The following RP1 variants were observed in gnomAD, a reference collection of about 807,000 sequenced individuals.
RP1 encodes oxygen-regulated protein 1.
RP1 carries 16 observed loss-of-function variants against 14.8 expected under a neutral mutation model. That is an observed-to-expected ratio of 1.08 (90% CI 0.73 to 1.65). The LOEUF is 1.65. RP1 is among the 40% of genes most tolerant of loss of function. The probability of loss-of-function intolerance (pLI) is 0.00; values close to 1 mark genes in which losing one functional copy is unlikely to be tolerated. For missense variants in RP1, 2,631 were observed against 2,535.0 expected (o/e 1.04, Z -0.81); for synonymous variants, 876 against 883.6 (o/e 0.99, Z 0.15).
In RP1 at chr8:54,837,819, A is replaced by G. The variant is rs1353607766; in HGVS notation, c.3835+150A>G. The G allele has an allele frequency of 1.2e-5, 5 of 411,444 alleles. No individual in the cohort carries two copies. The East Asian group carries it at 1.4e-4, about 12-fold the overall frequency. 25.5% of individuals were successfully genotyped at this position (411,444 alleles called of 1,614,324 possible). On this transcript the variant is annotated intron_variant, in intron 25 of 28. Coordinates refer to the RP1 transcript ENST00000637698. ...ATAAAGTCTCTGCCAAAACTGCTCA[A>G]CTCTGCCAGTGTAGTGACGTGGCAG... is the stretch of plus-strand genomic sequence containing the variant.
At chr8:54,675,772 T>G (rs908144802) in intron 8 of RP1, among the ~76,000 whole-genome samples, 1 of 152,316 alleles carries the variant, frequency 6.6e-6, no homozygotes, top group East Asian at 1.9e-4. Context: ...TTCTGTCTTA[T>G]TTTCTGCTGA....
chr8:54,643,335 G>GT (rs1806486803), intron 3 of RP1, among the ~76,000 whole-genome samples: 1 of 152,164 alleles, frequency 6.6e-6, no homozygotes, highest in African/African-American at 2.4e-5. Context: ...ATCCCAAATA[G>GT]TTTCTTCATG....
Position 54,696,931 on chromosome 8 carries a change from G to C in RP1, c.1718-2536G>C, listed in dbSNP as rs539584857. 384 of 905,060 alleles carry C rather than the reference G, an allele frequency of 4.2e-4. 1 individual carries two copies. The African/African-American group carries it at 5.7e-3, about 13-fold the overall frequency. The allele number at this position is 905,060 out of a possible 1,614,324, so 56.1% of individuals were successfully genotyped here. A position where few individuals can be genotyped will look rare whatever the true frequency, so the allele number is the denominator to read the frequency against. On this transcript the variant is annotated intron_variant, in intron 12 of 22. Coordinates refer to the RP1 transcript ENST00000636932. The stretch of plus-strand genomic sequence containing the variant: ...ACACAGTGATTGAGGAGCACCTGGG[G>C]AAGTTTGACATCATTTGCTTGGAAG...
In RP1 at chr8:54,630,690, G is replaced by A; in HGVS notation, c.*337G>A. The A allele has an allele frequency of 9.1e-7, 1 of 1,097,526 alleles. No individual in the cohort carries two copies. The highest frequency in any genetic ancestry group is 1.1e-6 in the Non-Finnish European group (1 of 901,048). The allele number at this position is 1,097,526 out of a possible 1,614,324, so 68.0% of individuals were successfully genotyped here. Reference sequence around the variant, plus strand: ...AATTATATCCTTTTTAAAAAATGTTGTTAGCTTGGTGTAAAATGTATATTG... The same window carrying A: ...AATTATATCCTTTTTAAAAAATGTTATTAGCTTGGTGTAAAATGTATATTG... On this transcript the variant is annotated 3_prime_UTR_variant, in exon 4 of 4. Coordinates refer to ENST00000220676, the MANE Select transcript of RP1 (RefSeq NM_006269.2).
intron 6 of RP1, among the ~76,000 whole-genome samples, chr8:54,658,146 T>C (rs550278654): frequency 3.9e-5 from 6 of 152,246 alleles, no homozygotes; most frequent in Non-Finnish European, 7.3e-5. Context: ...TTTTAACTAC[T>C]TTAGATACAT....
At chr8:54,582,986 T>C (rs529432549) in intron 1 of RP1, among the ~76,000 whole-genome samples, 48 of 152,318 alleles carry the variant, frequency 3.2e-4, no homozygotes, top group African/African-American at 1.1e-3. Flanking sequence ...TTGAATACCC[T>C]TTATTTCCTT....
intron 1 of RP1, among the ~76,000 whole-genome samples, chr8:54,560,063 G>A (rs1053069413): frequency 1.3e-5 from 2 of 152,154 alleles, no homozygotes; most frequent in Non-Finnish European, 1.5e-5. Context: ...AATGTAGCTC[G>A]AGAGGAGAAG....
chr8:54,748,782 T>C (rs1300291219), intron 19 of RP1, among the ~76,000 whole-genome samples: 5 of 152,230 alleles, frequency 3.3e-5, no homozygotes, highest in Non-Finnish European at 7.3e-5. Flanking sequence ...TTGGTGACTA[T>C]TTGCCTTTAT....
chr8:54,625,391 T>A lies in RP1; in HGVS notation c.1509T>A (p.His503Gln), dbSNP rs1360189518. ...AGTCTGAGTATCACATGTTTACACA[T>A]TCTTGCAGTAAAATGTCATCAGTAT... ...ENKSEYHMFT[H>Q]SCSKMSSVSN... is the part of the protein sequence containing the mutation. The change falls in exon 4 of 4, where the codon CAT (histidine) becomes CAA (glutamine). Residue 503 changes from histidine (H) to glutamine (Q), a missense_variant. Coordinates refer to ENST00000220676, the MANE Select transcript of RP1 (RefSeq NM_006269.2). 2 of 1,613,982 alleles carry A rather than the reference T, an allele frequency of 1.2e-6. No homozygotes were observed. Among genetic ancestry groups the A allele is most frequent in the Admixed American group, 1.7e-5 (1 of 60,004 alleles).
chr8:54,622,394 A>C lies in RP1; in HGVS notation c.787+106A>C, dbSNP rs1419613354. On this transcript the variant is annotated intron_variant, in intron 3 of 3. Transcript: ENST00000220676. ...AATGACCAGTTTCTTCCACCACAGA[A>C]ACGAAAAGGAGAGGATTTAAAAACA... 9.9e-6 allele frequency: 9 copies of C among 910,512 alleles called. No homozygotes were observed. In the East Asian group the frequency reaches 2.0e-4, roughly 20 times the overall value. The allele number at this position is 910,512 out of a possible 1,614,324, so 56.4% of individuals were successfully genotyped here.
At chr8:54,816,858 T>A (rs1426545819) in intron 24 of RP1, among the ~76,000 whole-genome samples, 1 of 152,122 alleles carries the variant, frequency 6.6e-6, no homozygotes, top group African/African-American at 2.4e-5. Flanking sequence ...AGGGAGCTTC[T>A]CTCTGCTCCA....
intron 17 of RP1, among the ~76,000 whole-genome samples, chr8:54,733,525 A>G (rs1808841958): frequency 6.6e-6 from 1 of 152,158 alleles, no homozygotes; most frequent in African/African-American, 2.4e-5. Context: ...AGTTCATTAT[A>G]GCTTAGCAGG....
chr8:54,626,170 A>C lies in RP1; in HGVS notation c.2288A>C (p.Asn763Thr), dbSNP rs1184391962. The C allele has an allele frequency of 6.2e-7, 1 of 1,611,790 alleles. No individual in the cohort carries two copies. The change falls in exon 4 of 4, where the codon AAT (asparagine) becomes ACT (threonine). Residue 763 changes from asparagine (N) to threonine (T), a missense_variant. Asn to Thr is a moderately conservative substitution (Grantham distance 65). Coordinates refer to ENST00000220676, the MANE Select transcript of RP1 (RefSeq NM_006269.2). ...AAGAATTTCCATAGAAATAAATTAA[A>C]TACTACTCAAAATTCCAAGGTTCAA... ...ISKNFHRNKL[N>T]TTQNSKVQGL...
downstream of RP1, among the ~76,000 whole-genome samples, chr8:54,633,737 C>CTCTCTATATATATA (rs1236298691): frequency 1.9e-4 from 23 of 118,802 alleles, no homozygotes; most frequent in Middle Eastern, 4.0e-3. Context: ...CTCTCTCTCT[C>CTCTCTATATATATA]TATATATATA....
At chr8:54,800,488 T>A (rs1470582911) in intron 24 of RP1, among the ~76,000 whole-genome samples, 1 of 152,146 alleles carries the variant, frequency 6.6e-6, no homozygotes, top group Non-Finnish European at 1.5e-5. Flanking sequence ...AGATTCCAAA[T>A]GTATGTATAT....
intron 24 of RP1, among the ~76,000 whole-genome samples, chr8:54,804,136 A>T (rs1211838372): frequency 1.2e-5 from 1 of 83,514 alleles, no homozygotes. Flanking sequence ...ATAAATGATT[A>T]CATATGTGGG....
rs753798837 is a variant in RP1 at position 54,608,647 on chromosome 8, C to T, written c.-12-12308C>T. 4.3e-4 allele frequency among the ~76,000 whole-genome samples: 66 copies of T among 152,238 alleles called. No homozygotes were observed. The Middle Eastern group carries it at 0.01, about 24-fold the overall frequency. ...CACCAAGGCACACATTTTCCTATAA[C>T]AAACCTGTACATGCTGCACATGTAC... On this transcript the variant is annotated intron_variant, in intron 1 of 22. Coordinates refer to the RP1 transcript ENST00000636932.
At chr8:54,735,030 A>G (rs1238044571) in intron 18 of RP1, among the ~76,000 whole-genome samples, 3 of 152,144 alleles carry the variant, frequency 2.0e-5, no homozygotes, top group Non-Finnish European at 2.9e-5. Flanking sequence ...CTTCAACTCA[A>G]TTTATAACCG....
chr8:54,752,071 T>C (rs1809385372), intron 19 of RP1, among the ~76,000 whole-genome samples: 4 of 152,202 alleles, frequency 2.6e-5, no homozygotes, highest in Admixed American at 2.6e-4. Context: ...GACCTTGTAA[T>C]CGCTTAACAT....
Sources: gnomAD v4.1 joint callset for allele counts (sites outside exome capture counted in the v4.1 genomes callset) on GRCh38, gnomAD v4.1.1 for gene constraint, MANE v1.5 for transcripts, NCBI Gene and HGNC (gene_info 2026-07-23, HGNC 2026-07-21) for gene names.